Variants in CYRIA observed in about 807,000 individuals in gnomAD.
CYRIA encodes the protein CYFIP related Rac1 interactor A, also known as CYFIP-related Rac1 interactor A.
In CYRIA, 15 loss-of-function variants were observed where a neutral mutation model predicts 43.9. That is an observed-to-expected ratio of 0.34 (90% confidence interval 0.23 to 0.53). The LOEUF is 0.53. CYRIA is among the 20% of genes least tolerant of loss of function. The pLI, the probability that CYRIA is intolerant of heterozygous loss-of-function variation, is 0.94. For synonymous variants in CYRIA, 117 were observed against 136.0 expected (o/e 0.86, Z 0.97); for missense variants, 236 against 394.2 (o/e 0.60, Z 3.40).
chr2:16,614,657 A>C (rs575527733), intron 2 of CYRIA, among the ~76,000 whole-genome samples: 1 of 152,196 alleles, frequency 6.6e-6, no homozygotes, highest in East Asian at 1.9e-4. Flanking sequence ...TCCCCAGCTC[A>C]TATCATCTGA....
At chr2:16,651,636 A>G (rs1481127549) in intron 1 of CYRIA, among the ~76,000 whole-genome samples, 1 of 152,354 alleles carries the variant, frequency 6.6e-6, no homozygotes, top group Middle Eastern at 3.4e-3. Context: ...TTGTCTTCAA[A>G]ATATTCCTGA....
At chr2:16,653,958 C>T (rs1334770225) in intron 1 of CYRIA, among the ~76,000 whole-genome samples, 2 of 152,108 alleles carry the variant, frequency 1.3e-5, no homozygotes, top group Admixed American at 1.3e-4. Context: ...CTAAACTGAG[C>T]CAGTAGTGGG....
intron 2 of CYRIA, among the ~76,000 whole-genome samples, chr2:16,605,582 G>T (rs911284234): frequency 6.6e-6 from 1 of 152,208 alleles, no homozygotes; most frequent in African/African-American, 2.4e-5. Flanking sequence ...GGGCCCCAGA[G>T]ACCCAAGCAC....
rs138174891 is a variant in CYRIA, at chr2:16,618,440, C to T, written c.-11+5424G>A. On this transcript the variant is annotated intron_variant, in intron 2 of 11. Coordinates refer to ENST00000381323, the MANE Select transcript of CYRIA (RefSeq NM_030797.4). ...CTCCTTAGAGGAAGAAGAGAAGAAC[C>T]CCAGGTCATATGTCTTGTCCCCAGC... Among the ~76,000 whole-genome samples the T allele has an allele frequency of 2.6e-5, 4 of 152,188 alleles. No homozygotes were observed. In the East Asian group the frequency reaches 7.7e-4, roughly 29 times the overall value.
At chr2:16,621,905 ACTTGAATGCAAGCTC>A (rs1349988817) in intron 2 of CYRIA, among the ~76,000 whole-genome samples, 6 of 152,196 alleles carry the variant, frequency 3.9e-5, no homozygotes, top group African/African-American at 7.2e-5. Flanking sequence ...CCTTGATCCT[ACTTGAATGCAAGCTC>A]CTTGAGAACA....
rs1421551374 is a variant in CYRIA at position 16,550,780 on chromosome 2, C to T, written c.*2156G>A. 6.6e-6 allele frequency: 1 copy of T among 152,128 alleles called. No homozygotes were observed. Among genetic ancestry groups the T allele is most frequent in the African/African-American group, 2.4e-5 (1 of 41,440 alleles). 9.4% of individuals were successfully genotyped at this position (152,128 alleles called of 1,614,324 possible). On this transcript the variant is annotated 3_prime_UTR_variant, in exon 12 of 12. Transcript: ENST00000381323. ...CCTGTGGTGGCTGGCAAGTCCTTTC[C>T]TTTCTTTAAGCCTTAATCTCCTCAC...
intron 3 of CYRIA, among the ~76,000 whole-genome samples, chr2:16,576,254 C>T (rs992223989): frequency 5.9e-5 from 9 of 152,230 alleles, no homozygotes; most frequent in Non-Finnish European, 8.8e-5. Flanking sequence ...ATGCCTACCA[C>T]AGTGACAGGT....
intron 3 of CYRIA, among the ~76,000 whole-genome samples, chr2:16,569,570 G>A (rs1470379248): frequency 6.6e-6 from 1 of 152,164 alleles, no homozygotes; most frequent in African/African-American, 2.4e-5. Context: ...CTGGGCCAGA[G>A]TGCCATAAGA....
chr2:16,560,849 T>C, intron 9 of CYRIA, 141 bp downstream of exon 9: 1 of 734,872 alleles, frequency 1.4e-6, no homozygotes, highest in Admixed American at 2.1e-5. Context: ...CCACTCAGAG[T>C]TCTTAGTGAA....
intron 5 of CYRIA, among the ~76,000 whole-genome samples, chr2:16,563,479 C>T (rs948775363): frequency 1.3e-5 from 2 of 152,178 alleles, no homozygotes; most frequent in African/African-American, 2.4e-5. Context: ...TGTCATATTG[C>T]TGGTCACATT....
At chr2:16,618,096 G>A (rs1177402067) in intron 2 of CYRIA, among the ~76,000 whole-genome samples, 1 of 152,172 alleles carries the variant, frequency 6.6e-6, no homozygotes, top group Non-Finnish European at 1.5e-5. Flanking sequence ...TTCCAGCTGG[G>A]CTATCAAGTC....
intron 1 of CYRIA, among the ~76,000 whole-genome samples, chr2:16,657,643 A>C (rs810063): frequency 0.072 from 10,952 of 152,254 alleles, 596 homozygotes; most frequent in African/African-American, 0.15. Flanking sequence ...CACTTGTGTC[A>C]TCTGGACTTT....
At position 16,564,100 on chromosome 2, in the gene CYRIA, A is replaced by C; in HGVS notation, c.193-6T>G. On this transcript the variant is annotated splice_polypyrimidine_tract_variant and splice_region_variant and intron_variant, in intron 4 of 11. Coordinates refer to ENST00000381323, the MANE Select transcript of CYRIA (RefSeq NM_030797.4). ...TCATTGGGATTTTGAATTGCCTGCA[A>C]AAACACAGTAGAGCTGACTGTTTAA... 3.1e-6 allele frequency: 5 copies of C among 1,609,734 alleles called. No homozygotes were observed. The highest frequency in any genetic ancestry group is 4.2e-6 in the Non-Finnish European group (5 of 1,176,536).
At chr2:16,636,996 G>T (rs1669516727) in intron 1 of CYRIA, among the ~76,000 whole-genome samples, 1 of 151,874 alleles carries the variant, frequency 6.6e-6, no homozygotes, top group Non-Finnish European at 1.5e-5. Flanking sequence ...AAATAGAAAA[G>T]AAATTTCCAA....
chr2:16,646,241 C>T (rs996064783), intron 1 of CYRIA, among the ~76,000 whole-genome samples: 1 of 152,216 alleles, frequency 6.6e-6, no homozygotes. Context: ...AGAGTTCATC[C>T]TCCCCCACCA....
intron 3 of CYRIA, among the ~76,000 whole-genome samples, chr2:16,571,731 A>C (rs11676612): frequency 0.27 from 41,521 of 152,080 alleles, 5,924 homozygotes; most frequent in Admixed American, 0.32. Context: ...ACTGAAAAAA[A>C]GTACAGCAAA....
intron 3 of CYRIA, among the ~76,000 whole-genome samples, chr2:16,573,731 T>G (rs1667224772): frequency 6.6e-6 from 1 of 152,214 alleles, no homozygotes; most frequent in African/African-American, 2.4e-5. Flanking sequence ...TCTCTTTGTC[T>G]GCTGCCATCC....
At chr2:16,612,900 C>A (rs190570724) in intron 2 of CYRIA, among the ~76,000 whole-genome samples, 2 of 152,286 alleles carry the variant, frequency 1.3e-5, no homozygotes, top group African/African-American at 4.8e-5. Flanking sequence ...CATGGTGGCA[C>A]TTCCCCCCCA....
In CYRIA at chr2:16,564,045, G is replaced by A. The variant is rs775108109; in HGVS notation, c.242C>T (p.Ala81Val). The stretch of plus-strand genomic sequence containing the variant: ...TAGCCTCACAACAAGAGGGCACACC[G>A]CATTCCAAGCTTTTTCTTGAAGCTG... Reference protein sequence around the residue: ...DIQLQEKAWNAVCPLVVRLKR... With the variant: ...DIQLQEKAWNVVCPLVVRLKR... The change falls in exon 5 of 12, where the codon GCG becomes GTG. Residue 81 changes from alanine to valine, a missense_variant. Around this residue, in one of 3 missense-constraint regions of CYRIA, gnomAD observed 193 missense variants for 303.9 expected, o/e 0.64. Transcript: ENST00000381323. 4.8e-5 allele frequency: 77 copies of A among 1,613,384 alleles called. No individual in the cohort carries two copies. Among genetic ancestry groups the A allele is most frequent in the Non-Finnish European group, 6.3e-5 (74 of 1,179,706 alleles).
Sources: allele counts gnomAD v4.1 joint callset (sites outside exome capture counted in the v4.1 genomes callset), GRCh38; gene constraint gnomAD v4.1.1; regional missense constraint gnomAD v4.1.1; transcripts MANE v1.5; gene names NCBI Gene and HGNC (gene_info 2026-07-23, HGNC 2026-07-21).